Variants in ANKS6 observed in about 807,000 individuals in gnomAD.
The protein encoded by ANKS6 is ankyrin repeat and sterile alpha motif domain containing 6.
Under a neutral mutation model 77.9 loss-of-function variants are expected in ANKS6, and 47 were observed. The ratio of observed to expected loss-of-function variants is 0.60; its 90% confidence interval spans 0.48 to 0.77. The LOEUF (loss-of-function observed/expected upper bound fraction) is 0.77, where lower values mean the gene tolerates loss of function less well. ANKS6 is among the 30% of genes least tolerant of loss of function. ANKS6 has a pLI of 0.00. For missense variants in ANKS6, 1,150 were observed against 1,159.1 expected (o/e 0.99, Z 0.11); for synonymous variants, 488 against 501.7 (o/e 0.97, Z 0.37).
At chr9:98,780,867 CA>C (rs1275569939) in intron 5 of ANKS6, among the ~76,000 whole-genome samples, 1 of 151,570 alleles carries the variant, frequency 6.6e-6, no homozygotes, top group Non-Finnish European at 1.5e-5. Flanking sequence ...GAAACTACTC[CA>C]AACTATTAAC....
chr9:98,786,729 G>A (rs1834595594), intron 2 of ANKS6, among the ~76,000 whole-genome samples: 1 of 152,160 alleles, frequency 6.6e-6, no homozygotes, highest in South Asian at 2.1e-4. Context: ...AAGTATTCAA[G>A]AACCAACTTT....
At chr9:98,748,811 A>C (rs1832280373) in intron 13 of ANKS6, among the ~76,000 whole-genome samples, 1 of 152,188 alleles carries the variant, frequency 6.6e-6, no homozygotes. Context: ...AATCCACCTT[A>C]ATACAGGTAG....
chr9:98,774,165 T>C (rs977203823), intron 8 of ANKS6, 85 bp from the exon 9 acceptor site: 2 of 1,242,778 alleles, frequency 1.6e-6, no homozygotes, highest in African/African-American at 1.5e-5. Context: ...TCCTGCTTCT[T>C]GGGGCATGGC....
chr9:98,789,946 T>A lies in ANKS6; in HGVS notation c.862+158A>T, dbSNP rs138554869. 5,243 of 1,120,892 alleles carry A rather than the reference T, an allele frequency of 4.7e-3. 27 individuals are homozygous for A. The highest frequency in any genetic ancestry group is 5.8e-3 in the Non-Finnish European group (4,802 of 821,496). The allele number at this position is 1,120,892 out of a possible 1,614,324, so 69.4% of individuals were successfully genotyped here. ...CCCAGAACCTGCATGTCACAGGCAATCCCCCCGATACTTAAGCACACCACT... is the reference window on the plus strand; with the variant it reads ...CCCAGAACCTGCATGTCACAGGCAAACCCCCCGATACTTAAGCACACCACT... On this transcript the variant is annotated intron_variant, in intron 2 of 14. Transcript: ENST00000353234.
At chr9:98,754,567 G>A (rs1279521046) in intron 12 of ANKS6, among the ~76,000 whole-genome samples, 8 of 152,010 alleles carry the variant, frequency 5.3e-5, no homozygotes, top group Non-Finnish European at 1.0e-4. Flanking sequence ...GTGTGAACCC[G>A]GGAGGAGGAG....
At chr9:98,774,738 T>C (rs1266825840) in intron 8 of ANKS6, among the ~76,000 whole-genome samples, 1 of 151,862 alleles carries the variant, frequency 6.6e-6, no homozygotes, top group Non-Finnish European at 1.5e-5. Flanking sequence ...GAAAATGTGA[T>C]TTGGGGGTCA....
In ANKS6 at chr9:98,733,312, C is replaced by T; in HGVS notation, c.*3207G>A. 1 of 985,540 alleles carries T rather than the reference C, an allele frequency of 1.0e-6. No homozygotes were observed. The highest frequency in any genetic ancestry group is 1.2e-6 in the Non-Finnish European group (1 of 830,010). 61.0% of individuals were successfully genotyped at this position (985,540 alleles called of 1,614,324 possible). Reference sequence around the variant, plus strand: ...CCTCCGTGGCCAGCAGGGACTTGGACATCCAGCACTCACGACACACCAGCA... The same window carrying T: ...CCTCCGTGGCCAGCAGGGACTTGGATATCCAGCACTCACGACACACCAGCA... On this transcript the variant is annotated 3_prime_UTR_variant, in exon 15 of 15. Coordinates refer to ENST00000353234, the MANE Select transcript of ANKS6 (RefSeq NM_173551.5).
intron 3 of ANKS6, 67 bp downstream of exon 3, chr9:98,784,765 A>C (rs905989487): frequency 1.6e-5 from 23 of 1,453,458 alleles, no homozygotes; most frequent in Non-Finnish European, 2.0e-5. Context: ...AAGGACTACA[A>C]ATATTAGGTT....
chr9:98,787,040 G>A (rs905511318), intron 2 of ANKS6, among the ~76,000 whole-genome samples: 6 of 152,190 alleles, frequency 3.9e-5, no homozygotes, highest in South Asian at 2.1e-4. Flanking sequence ...CAGAGGTGTC[G>A]CAATGACAGT....
At position 98,736,244 on chromosome 9, in the gene ANKS6, G is replaced by A; in HGVS notation, c.*275C>T. 7.9e-7 allele frequency: 1 copy of A among 1,266,458 alleles called. No individual in the cohort carries two copies. The highest frequency in any genetic ancestry group is 2.7e-5 in the South Asian group (1 of 36,900). 78.5% of individuals were successfully genotyped at this position (1,266,458 alleles called of 1,614,324 possible). A position where few individuals can be genotyped will look rare whatever the true frequency, so the allele number is the denominator to read the frequency against. On this transcript the variant is annotated 3_prime_UTR_variant, in exon 15 of 15. Coordinates refer to ENST00000353234, the MANE Select transcript of ANKS6 (RefSeq NM_173551.5). ...TCCCGGGGAGGGCAGAGCACAGGAT[G>A]AAAGGAGCTGAGTCCCTGCATCACT...
chr9:98,756,314 C>T (rs984274327), intron 12 of ANKS6, 106 bp downstream of exon 12: 46 of 1,258,094 alleles, frequency 3.7e-5, no homozygotes, highest in Non-Finnish European at 4.6e-5. Flanking sequence ...CTTCTTAAAA[C>T]CTGACCTAGG....
chr9:98,734,034 C>G lies in ANKS6; in HGVS notation c.*2485G>C, dbSNP rs1351295109. On this transcript the variant is annotated 3_prime_UTR_variant, in exon 15 of 15. Transcript: ENST00000353234. ...AAAACAAGCACCCAACTGACCCCTC[C>G]TCCCTGACGATCTATAACCTACATG... is the stretch of plus-strand genomic sequence containing the variant. 4.1e-6 allele frequency: 4 copies of G among 985,276 alleles called. No individual in the cohort carries two copies. The African/African-American group carries it at 7.0e-5, about 17-fold the overall frequency. The allele number at this position is 985,276 out of a possible 1,614,324, so 61.0% of individuals were successfully genotyped here.
At chr9:98,740,697 T>C (rs1013955813) in intron 14 of ANKS6, among the ~76,000 whole-genome samples, 1 of 152,190 alleles carries the variant, frequency 6.6e-6, no homozygotes, top group African/African-American at 2.4e-5. Flanking sequence ...AAACCATAAT[T>C]GTTTCCTGCA....
At chr9:98,756,151 G>A (rs1178378489) in intron 12 of ANKS6, among the ~76,000 whole-genome samples, 9 of 152,142 alleles carry the variant, frequency 5.9e-5, no homozygotes, top group Non-Finnish European at 1.5e-5. Flanking sequence ...AGTTCGTGTT[G>A]GAGAAGCACT....
chr9:98,749,278 G>C (rs1011177902), intron 13 of ANKS6, among the ~76,000 whole-genome samples: 5 of 152,208 alleles, frequency 3.3e-5, no homozygotes, highest in Non-Finnish European at 4.4e-5. Flanking sequence ...GAGGTCCTCA[G>C]CCAGTGGCTG....
chr9:98,750,835 T>G lies in ANKS6; in HGVS notation c.2394+194A>C, dbSNP rs11788506. The stretch of plus-strand genomic sequence containing the variant: ...TGCTCAAAATTACAAAATTCTATCA[T>G]AACAAAGCAAGCCATAAGTCCCCAG... On this transcript the variant is annotated intron_variant, in intron 13 of 14. Transcript: ENST00000353234. 5.3e-3 allele frequency among the ~76,000 whole-genome samples: 803 copies of G among 152,284 alleles called. 6 individuals are homozygous for G. The highest frequency in any genetic ancestry group is 0.024 in the South Asian group (115 of 4,826).
chr9:98,768,116 C>T lies in ANKS6; in HGVS notation c.2107G>A (p.Ala703Thr). The T allele has an allele frequency of 5.0e-6, 8 of 1,612,520 alleles. No homozygotes were observed. Among genetic ancestry groups the T allele is most frequent in the Non-Finnish European group, 6.8e-6 (8 of 1,179,552 alleles). ...APGSSPSELPASPAGGSAPVG... is the reference protein window; with the variant it reads ...APGSSPSELPTSPAGGSAPVG... ...GGAGCGCTGCCACCTGCAGGGGAGG[C>T]TGGAAGCTCAGACGGGCTGGACCCC... Residue 703 changes from alanine (A) to threonine (T), a missense_variant, in exon 11 of 15, where the codon GCC becomes ACC. Coordinates refer to ENST00000353234, the MANE Select transcript of ANKS6 (RefSeq NM_173551.5).
chr9:98,759,676 T>C (rs983040085), intron 11 of ANKS6, among the ~76,000 whole-genome samples: 51 of 152,218 alleles, frequency 3.4e-4, no homozygotes, highest in African/African-American at 1.2e-3. Context: ...AAGGATGAAA[T>C]CCTGTCATTC....
At chr9:98,739,793 C>T (rs1378649973) in intron 14 of ANKS6, among the ~76,000 whole-genome samples, 6 of 86,774 alleles carry the variant, frequency 6.9e-5, no homozygotes, top group Admixed American at 1.5e-4. Context: ...GTCTTGCTGT[C>T]GCCCAGGCTG....
Sources: allele counts gnomAD v4.1 joint callset (sites outside exome capture counted in the v4.1 genomes callset), GRCh38; gene constraint gnomAD v4.1.1; transcripts MANE v1.5; gene names NCBI Gene and HGNC (gene_info 2026-07-23, HGNC 2026-07-21).